PDE10A: variants seen among roughly 807,000 people sequenced by gnomAD.
PDE10A encodes cAMP and cAMP-inhibited cGMP 3',5'-cyclic phosphodiesterase 10A.
In PDE10A, 39 loss-of-function variants were observed where a neutral mutation model predicts 97.7. The ratio of observed to expected loss-of-function variants is 0.40; its 90% CI spans 0.31 to 0.52. PDE10A has a LOEUF of 0.52. Ranked by LOEUF, PDE10A falls within the 20% of genes least tolerant of loss-of-function variation. The pLI is 0.56. For missense variants in PDE10A, 731 were observed against 1,047.8 expected (o/e 0.70, Z 4.17); for synonymous variants, 371 against 376.8 (o/e 0.98, Z 0.18).
intron 1 of PDE10A, among the ~76,000 whole-genome samples, chr6:165,760,883 C>G (rs1793232550): frequency 6.6e-6 from 1 of 152,170 alleles, no homozygotes; most frequent in African/African-American, 2.4e-5. Flanking sequence ...AAGCCTCTTC[C>G]TGGTCTTCCC....
intron 1 of PDE10A, among the ~76,000 whole-genome samples, chr6:165,868,779 T>C (rs545553842): frequency 1.4e-4 from 22 of 152,084 alleles, no homozygotes; most frequent in Non-Finnish European, 3.1e-4. Flanking sequence ...AACGATGTAA[T>C]AGCAAAACAA....
At chr6:165,519,574 C>A (rs754093652) in intron 2 of PDE10A, among the ~76,000 whole-genome samples, 1 of 152,046 alleles carries the variant, frequency 6.6e-6, no homozygotes, top group African/African-American at 2.4e-5. Flanking sequence ...TAGCAAAATA[C>A]TCCCTGCTGC....
intron 21 of PDE10A, 108 bp from the exon 22 acceptor site, chr6:165,333,235 G>A: frequency 2.8e-6 from 2 of 710,212 alleles, no homozygotes; most frequent in Non-Finnish European, 5.0e-6. Flanking sequence ...CAACGGCATT[G>A]TGTGGGGCCC....
intron 2 of PDE10A, among the ~76,000 whole-genome samples, chr6:165,515,581 T>C (rs1781754002): frequency 6.7e-6 from 1 of 148,890 alleles, no homozygotes; most frequent in Non-Finnish European, 1.5e-5. Flanking sequence ...TGGAGTGCAG[T>C]GGGACAATCT....
intron 3 of PDE10A, among the ~76,000 whole-genome samples, chr6:165,475,459 A>G (rs543880296): frequency 1.4e-4 from 21 of 152,294 alleles, no homozygotes; most frequent in African/African-American, 4.3e-4. Flanking sequence ...TGAAGAAACG[A>G]GGTGACTTTG....
intron 1 of PDE10A, among the ~76,000 whole-genome samples, chr6:165,818,031 G>A (rs746139480): frequency 6.6e-6 from 1 of 152,178 alleles, no homozygotes; most frequent in Non-Finnish European, 1.5e-5. Context: ...TCTCATACCT[G>A]CTCTCTGAGC....
At chr6:165,512,460 C>A (rs1213470211) in intron 2 of PDE10A, among the ~76,000 whole-genome samples, 1 of 151,886 alleles carries the variant, frequency 6.6e-6, no homozygotes, top group Non-Finnish European at 1.5e-5. Flanking sequence ...AAATTCAGCA[C>A]TTTGAATATA....
intron 1 of PDE10A, among the ~76,000 whole-genome samples, chr6:165,704,818 G>A (rs981375886): frequency 6.6e-6 from 1 of 152,218 alleles, no homozygotes; most frequent in African/African-American, 2.4e-5. Flanking sequence ...ATCATTTTGT[G>A]CCTTTTGATC....
intron 1 of PDE10A, among the ~76,000 whole-genome samples, chr6:165,571,741 C>T (rs1785059986): frequency 6.6e-6 from 1 of 152,186 alleles, no homozygotes. Context: ...TCATAATCCA[C>T]AGTCACGCTA....
chr6:165,878,276 G>A (rs532688224), intron 1 of PDE10A, among the ~76,000 whole-genome samples: 6 of 152,240 alleles, frequency 3.9e-5, no homozygotes, highest in African/African-American at 4.8e-5. Context: ...ATTTCCCCCT[G>A]CTAAGTCACC....
At chr6:165,474,677 G>GA (rs554805842) in intron 3 of PDE10A, among the ~76,000 whole-genome samples, 7 of 150,694 alleles carry the variant, frequency 4.6e-5, no homozygotes, top group Middle Eastern at 3.2e-3. Flanking sequence ...TCAGAAACAA[G>GA]AAAAAAAAAT....
chr6:165,965,845 G>C (rs1784494939), intron 1 of PDE10A, among the ~76,000 whole-genome samples: 1 of 152,206 alleles, frequency 6.6e-6, no homozygotes, highest in Non-Finnish European at 1.5e-5. Context: ...GACAGCCCAG[G>C]AGCTGCTGAG....
At chr6:165,386,923 G>T (rs1785346344) in intron 17 of PDE10A, among the ~76,000 whole-genome samples, 1 of 152,106 alleles carries the variant, frequency 6.6e-6, no homozygotes, top group Admixed American at 6.5e-5. Context: ...GGCTGAGGCA[G>T]GAGAATGGCG....
At chr6:165,956,992 T>C (rs141999965) in intron 1 of PDE10A, among the ~76,000 whole-genome samples, 2 of 152,234 alleles carry the variant, frequency 1.3e-5, no homozygotes, top group South Asian at 2.1e-4. Flanking sequence ...GGAGGTGGGC[T>C]AGGAACACAC....
chr6:165,691,230 C>CAA (rs1312636474), intron 1 of PDE10A, among the ~76,000 whole-genome samples: 2 of 148,808 alleles, frequency 1.3e-5, no homozygotes, highest in Non-Finnish European at 3.0e-5. Flanking sequence ...CACACACACA[C>CAA]ACACACACAC....
At chr6:165,745,528 C>A (rs73259421) in intron 1 of PDE10A, among the ~76,000 whole-genome samples, 3,861 of 152,266 alleles carry the variant, frequency 0.025, 195 homozygotes, top group African/African-American at 0.089. Flanking sequence ...TAAATAAATT[C>A]ATGACCCAGT....
chr6:165,370,556 C>A (rs1360772804), intron 18 of PDE10A, among the ~76,000 whole-genome samples: 1 of 149,606 alleles, frequency 6.7e-6, no homozygotes, highest in Non-Finnish European at 1.5e-5. Flanking sequence ...GCACCCAATA[C>A]AGGAGCACCC....
chr6:165,342,591 A>G (rs538260391), intron 19 of PDE10A, among the ~76,000 whole-genome samples: 1 of 152,356 alleles, frequency 6.6e-6, no homozygotes, highest in East Asian at 1.9e-4. Context: ...TTTTACATAC[A>G]TTCTTCTGTA....
At chr6:165,900,975 T>C (rs775030534) in intron 1 of PDE10A, among the ~76,000 whole-genome samples, 22 of 152,094 alleles carry the variant, frequency 1.4e-4, no homozygotes, top group Non-Finnish European at 2.6e-4. Flanking sequence ...AAAGGCCCAG[T>C]TGTAGGTCAC....
Sources: allele counts gnomAD v4.1 joint callset (sites outside exome capture counted in the v4.1 genomes callset), GRCh38; gene constraint gnomAD v4.1.1; transcripts MANE v1.5; gene names NCBI Gene and HGNC (gene_info 2026-07-23, HGNC 2026-07-21).